ABCA1: variants seen among roughly 807,000 people sequenced by gnomAD.
ABCA1 encodes phospholipid-transporting ATPase ABCA1.
In ABCA1, 133 loss-of-function variants were observed where a neutral mutation model predicts 262.5. The observed-to-expected ratio is 0.51, with a 90% CI of 0.44 to 0.59. ABCA1 has a LOEUF of 0.59. Among genes scored for constraint, ABCA1 ranks in the 20% least tolerant of loss-of-function variants. The pLI, the probability that ABCA1 is intolerant of heterozygous loss-of-function variation, is 0.00. For synonymous variants in ABCA1, 1,022 were observed against 1,043.5 expected, an observed-to-expected ratio of 0.98 and a Z score of 0.40; for missense variants, 2,452 against 2,777.5, an observed-to-expected ratio of 0.88 and a Z score of 2.63.
chr9:104,806,535 T>G, intron 30 of ABCA1, 105 bp from the exon 31 acceptor site: 25 of 1,061,788 alleles, frequency 2.4e-5, no homozygotes, highest in Non-Finnish European at 3.1e-5. Flanking sequence ...CATGCATCTA[T>G]TCCCTCACCA....
intron 1 of ABCA1, among the ~76,000 whole-genome samples, chr9:104,906,732 G>C (rs1346458868): frequency 9.3e-6 from 1 of 107,198 alleles, no homozygotes; most frequent in East Asian, 2.8e-4. Flanking sequence ...CCAAGTTAGT[G>C]AACAAACAAA....
At chr9:104,818,061 T>C (rs2118959193) in intron 23 of ABCA1, among the ~76,000 whole-genome samples, 1 of 152,232 alleles carries the variant, frequency 6.6e-6, no homozygotes, top group Admixed American at 6.5e-5. Context: ...TGGGTGACCT[T>C]GAATCAGCTA....
At chr9:104,864,503 A>T (rs1251763496) in intron 5 of ABCA1, among the ~76,000 whole-genome samples, 2 of 152,178 alleles carry the variant, frequency 1.3e-5, no homozygotes, top group African/African-American at 4.8e-5. Context: ...TGGGAGTCAG[A>T]AACCTGGGTT....
chr9:104,891,238 C>T (rs185243735), intron 2 of ABCA1, among the ~76,000 whole-genome samples: 1 of 151,908 alleles, frequency 6.6e-6, no homozygotes, highest in Admixed American at 6.6e-5. Flanking sequence ...TTCCAAAGAC[C>T]TTTGATATGG....
Position 104,827,035 on chromosome 9 carries a change from C to G in ABCA1, c.2250G>C (p.Gly750=). 1.2e-6 allele frequency: 2 copies of G among 1,614,170 alleles called. No individual in the cohort carries two copies. Among genetic ancestry groups the G allele is most frequent in the East Asian group, 2.2e-5 (1 of 44,890 alleles). ...GGTACAGCGTGAAGTAGATGATGCC[C>G]CCACAGGCTGCTGCCAGGTTGGCTC... is the stretch of plus-strand genomic sequence containing the variant. ...FSRANLAAAC[G]GIIYFTLYLP... Residue 750 remains glycine, a synonymous_variant, in exon 16 of 50, where the codon GGG becomes GGC. Coordinates refer to ENST00000374736, the MANE Select transcript of ABCA1 (RefSeq NM_005502.4).
chr9:104,844,683 CT>C (rs1360411328), intron 8 of ABCA1, among the ~76,000 whole-genome samples: 7 of 152,184 alleles, frequency 4.6e-5, no homozygotes, highest in African/African-American at 1.7e-4. Context: ...TGGACCAAGT[CT>C]GAGACAATTT....
intron 5 of ABCA1, 152 bp downstream of exon 5, chr9:104,882,887 C>T (rs1262552409): frequency 1.3e-6 from 1 of 776,332 alleles, no homozygotes; most frequent in Non-Finnish European, 2.3e-6. Context: ...ACCAATGCCT[C>T]CTGGAGAGGG....
At chr9:104,806,153 T>C in intron 31 of ABCA1, 88 bp downstream of exon 31, 2 of 1,341,012 alleles carry the variant, frequency 1.5e-6, no homozygotes, top group South Asian at 1.3e-5. Flanking sequence ...CCTCCCAACA[T>C]GATATCTCAC....
At chr9:104,915,619 T>C (rs1397125949) in intron 1 of ABCA1, among the ~76,000 whole-genome samples, 1 of 152,116 alleles carries the variant, frequency 6.6e-6, no homozygotes, top group Admixed American at 6.5e-5. Context: ...AGATTCTGAG[T>C]GTTCCTTATA....
chr9:104,792,903 A>G lies in ABCA1; in HGVS notation c.5640T>C (p.Pro1880=), dbSNP rs1829548904. 6.2e-7 allele frequency: 1 copy of G among 1,613,954 alleles called. No individual in the cohort carries two copies. Among genetic ancestry groups the G allele is most frequent in the African/African-American group, 1.3e-5 (1 of 74,904 alleles). The change falls in exon 42 of 50, where the codon CCT becomes CCC. Residue 1880 remains proline (P), a synonymous_variant. Coordinates refer to ENST00000374736, the MANE Select transcript of ABCA1 (RefSeq NM_005502.4). ...IQYRFFIRPR[P]VNAKLSPLND... ...TCAGAGGAGATAGCTTTGCATTTAC[A>G]GGTCTTGGGGGAAAAAACAAGAAAA...
intron 44 of ABCA1, among the ~76,000 whole-genome samples, chr9:104,790,651 CT>C (rs1829345397): frequency 6.6e-6 from 1 of 152,054 alleles, no homozygotes; most frequent in Non-Finnish European, 1.5e-5. Context: ...CTAAATTATA[CT>C]CTTAAAAAAC....
At chr9:104,851,464 G>T (rs1481188515) in intron 7 of ABCA1, among the ~76,000 whole-genome samples, 1 of 152,176 alleles carries the variant, frequency 6.6e-6, no homozygotes, top group African/African-American at 2.4e-5. Flanking sequence ...ATCAGGTACA[G>T]TTCCCCTAAA....
At position 104,887,915 on chromosome 9, in the gene ABCA1, C is replaced by T. The variant is rs531367382; in HGVS notation, c.160+1187G>A. On this transcript the variant is annotated intron_variant, in intron 3 of 49. Coordinates refer to ENST00000374736, the MANE Select transcript of ABCA1 (RefSeq NM_005502.4). ...CTAATTTTTGTATTTTTAGTAGAGA[C>T]GAGGTTCCACCGTGTTGGCCAGGCT... Among the ~76,000 whole-genome samples the T allele has an allele frequency of 4.0e-5, 6 of 151,856 alleles. No individual in the cohort carries two copies. The South Asian group carries it at 1.0e-3, about 26-fold the overall frequency.
intron 28 of ABCA1, 101 bp from the exon 29 acceptor site, chr9:104,811,025 G>A (rs181439664): frequency 2.5e-5 from 38 of 1,545,328 alleles, no homozygotes; most frequent in South Asian, 1.4e-4. Context: ...CCACCTCCCC[G>A]ACCAACCAGC....
At chr9:104,784,714 G>A (rs1263823385) in intron 49 of ABCA1, among the ~76,000 whole-genome samples, 1 of 152,174 alleles carries the variant, frequency 6.6e-6, no homozygotes, top group African/African-American at 2.4e-5. Flanking sequence ...CGAGACCTTG[G>A]CTCACTGTAA....
chr9:104,781,909 T>C lies in ABCA1; in HGVS notation c.*2406A>G, dbSNP rs1158068535. On this transcript the variant is annotated 3_prime_UTR_variant, in exon 50 of 50. Coordinates refer to ENST00000374736, the MANE Select transcript of ABCA1 (RefSeq NM_005502.4). ...GTTTACACAGGAAAATGTAAAAAATTACTATTTTAAAAGGTAACACAGTAT... is the reference window on the plus strand; with the variant it reads ...GTTTACACAGGAAAATGTAAAAAATCACTATTTTAAAAGGTAACACAGTAT... 6.6e-6 allele frequency: 1 copy of C among 152,194 alleles called. No homozygotes were observed. The highest frequency in any genetic ancestry group is 1.5e-5 in the Non-Finnish European group (1 of 67,988). The allele number at this position is 152,194 out of a possible 1,614,324, so 9.4% of individuals were successfully genotyped here.
intron 5 of ABCA1, among the ~76,000 whole-genome samples, chr9:104,862,696 G>C (rs1418162406): frequency 0.4 from 438 of 1,108 alleles, 141 homozygotes; most frequent in African/African-American, 0.6. Flanking sequence ...GGCCGGGCCG[G>C]GCCGGCCCCC....
In ABCA1 at chr9:104,853,165, C is replaced by T. The variant is rs1211990929; in HGVS notation, c.720+5357G>A. Among the ~76,000 whole-genome samples, 3 of 152,218 alleles carry T rather than the reference C, an allele frequency of 2.0e-5. No homozygotes were observed. The East Asian group carries it at 5.8e-4, about 29-fold the overall frequency. On this transcript the variant is annotated intron_variant, in intron 7 of 49. Coordinates refer to ENST00000374736, the MANE Select transcript of ABCA1 (RefSeq NM_005502.4). ...CCACTTGGTGGGAATGTGCTAGGCA[C>T]ACTGGAAGACACGTGGACAGTGGAA...
intron 34 of ABCA1, 21 bp downstream of exon 34, chr9:104,802,033 A>T: frequency 6.2e-7 from 1 of 1,610,954 alleles, no homozygotes; most frequent in Non-Finnish European, 8.5e-7. Context: ...TTTCTGATAC[A>T]TCTTACGATA....
Sources: allele counts gnomAD v4.1 joint callset (sites outside exome capture counted in the v4.1 genomes callset), GRCh38; gene constraint gnomAD v4.1.1; transcripts MANE v1.5; gene names NCBI Gene and HGNC (gene_info 2026-07-23, HGNC 2026-07-21).